The following TFPI variants were observed in gnomAD, a reference collection of about 807,000 sequenced individuals.
TFPI encodes the protein tissue factor pathway inhibitor.
TFPI carries 15 observed loss-of-function variants against 34.6 expected under a neutral mutation model. That is an observed-to-expected ratio of 0.43 (90% confidence interval 0.29 to 0.67). TFPI has a LOEUF of 0.67. Ranked by LOEUF, TFPI falls within the 30% of genes least tolerant of loss-of-function variation. TFPI has a pLI of 0.15. For missense variants in TFPI, 301 were observed against 364.0 expected (o/e 0.83, Z 1.41); for synonymous variants, 105 against 120.1 (o/e 0.87, Z 0.82).
At chr2:187,476,155 A>T (rs1415131891) in intron 6 of TFPI, among the ~76,000 whole-genome samples, 1 of 152,154 alleles carries the variant, frequency 6.6e-6, no homozygotes, top group Non-Finnish European at 1.5e-5. Flanking sequence ...CCAGTCTTGC[A>T]TCCATGTGAT....
intron 6 of TFPI, among the ~76,000 whole-genome samples, chr2:187,477,310 T>A (rs1307829778): frequency 1.3e-5 from 2 of 152,190 alleles, no homozygotes; most frequent in Non-Finnish European, 2.9e-5. Context: ...AGCCAACTTG[T>A]CAGAAAATCA....
intron 1 of TFPI, among the ~76,000 whole-genome samples, chr2:187,544,812 G>A (rs1395677055): frequency 6.6e-6 from 1 of 152,122 alleles, no homozygotes; most frequent in East Asian, 1.9e-4. Context: ...TCACTGATAA[G>A]AAAAAATAAT....
intron 1 of TFPI, among the ~76,000 whole-genome samples, chr2:187,548,766 G>A (rs1435455986): frequency 1.3e-5 from 2 of 151,896 alleles, no homozygotes; most frequent in Non-Finnish European, 2.9e-5. Context: ...AAAAAGCCTT[G>A]AAAAGAGTTT....
At chr2:187,478,494 T>A (rs1692546554) in intron 6 of TFPI, 4 of 895,378 alleles carry the variant, frequency 4.5e-6, no homozygotes, top group Non-Finnish European at 6.1e-6. Flanking sequence ...GTCAAAAGAC[T>A]CACAACTAGC....
intron 3 of TFPI, among the ~76,000 whole-genome samples, chr2:187,495,936 TA>T (rs544150327): frequency 5.4e-5 from 8 of 147,014 alleles, no homozygotes; most frequent in South Asian, 4.3e-4. Context: ...AGCCTGACAT[TA>T]AAAAAAAAAC....
intron 1 of TFPI, chr2:187,515,440 A>G (rs1410141537): frequency 6.6e-6 from 1 of 152,222 alleles, no homozygotes; most frequent in Non-Finnish European, 1.5e-5. Flanking sequence ...AGTTTATTCT[A>G]GCAGGCCCAA....
intron 1 of TFPI, among the ~76,000 whole-genome samples, chr2:187,553,848 A>T (rs1250479356): frequency 6.6e-6 from 1 of 152,214 alleles, no homozygotes; most frequent in East Asian, 1.9e-4. Context: ...AGGTAAACCG[A>T]ACTTTCAAGA....
intron 1 of TFPI, chr2:187,547,556 T>C (rs1172291607): frequency 6.6e-6 from 1 of 152,046 alleles, no homozygotes; most frequent in African/African-American, 2.4e-5. Context: ...GACATCGTGA[T>C]CAACTCCTCT....
chr2:187,529,574 A>T (rs1177950930), intron 1 of TFPI: 1 of 152,110 alleles, frequency 6.6e-6, no homozygotes, highest in Non-Finnish European at 1.5e-5. Context: ...TTGAACATTT[A>T]TTATCTCATT....
chr2:187,478,994 A>T (rs561191190), intron 6 of TFPI, among the ~76,000 whole-genome samples: 1 of 151,712 alleles, frequency 6.6e-6, no homozygotes, highest in East Asian at 1.9e-4. Context: ...TGAAGGAATC[A>T]TAGTAAGAAG....
chr2:187,518,657 C>T (rs1687168062), intron 1 of TFPI: 1 of 152,160 alleles, frequency 6.6e-6, no homozygotes, highest in Admixed American at 6.5e-5. Context: ...GTGGTGTTCT[C>T]TGTATTTCCT....
In TFPI at chr2:187,464,927, C is replaced by T. The variant is rs1189547340; in HGVS notation, c.*2009G>A. 2.0e-5 allele frequency: 3 copies of T among 152,018 alleles called. No individual in the cohort carries two copies. Among genetic ancestry groups the T allele is most frequent in the Non-Finnish European group, 4.4e-5 (3 of 68,024 alleles). 9.4% of individuals were successfully genotyped at this position (152,018 alleles called of 1,614,324 possible). ...ATTCTGTAGCTGGCATCAGCTGTAC[C>T]CTGACTTCACATGAATGGCCTGGAG... On this transcript the variant is annotated 3_prime_UTR_variant, in exon 8 of 8. Transcript: ENST00000233156.
At chr2:187,468,197 AAACT>A (rs1315730496) in intron 6 of TFPI, among the ~76,000 whole-genome samples, 1 of 152,058 alleles carries the variant, frequency 6.6e-6, no homozygotes, top group Non-Finnish European at 1.5e-5. Flanking sequence ...TTATATGAAC[AAACT>A]ATTTGTACAT....
chr2:187,501,944 A>G (rs1010244564), intron 2 of TFPI, among the ~76,000 whole-genome samples: 3 of 152,170 alleles, frequency 2.0e-5, no homozygotes, highest in Non-Finnish European at 2.9e-5. Flanking sequence ...GTATTTTTCT[A>G]TTAATAAGAG....
chr2:187,526,902 ATCTT>A (rs990076040), intron 1 of TFPI: 1 of 152,132 alleles, frequency 6.6e-6, no homozygotes, highest in African/African-American at 2.4e-5. Context: ...AAATTGAAGA[ATCTT>A]TCTAATTTTC....
intron 6 of TFPI, among the ~76,000 whole-genome samples, chr2:187,468,849 G>C (rs1032556599): frequency 5.9e-5 from 9 of 152,006 alleles, no homozygotes; most frequent in Admixed American, 1.3e-4. Flanking sequence ...AAGTTGTATG[G>C]CAAGGAATCA....
At chr2:187,473,896 A>G (rs929364335) in intron 6 of TFPI, among the ~76,000 whole-genome samples, 7 of 152,060 alleles carry the variant, frequency 4.6e-5, no homozygotes, top group African/African-American at 1.2e-4. Context: ...TTGAAAGGTC[A>G]TAAAGAATAG....
At chr2:187,482,669 C>A (rs1382104960) in intron 6 of TFPI, among the ~76,000 whole-genome samples, 1 of 151,824 alleles carries the variant, frequency 6.6e-6, no homozygotes, top group African/African-American at 2.4e-5. Context: ...TTATTAATAC[C>A]TGAGACAGCC....
At chr2:187,503,585 T>C (rs1685997224) in intron 2 of TFPI, 63 bp downstream of exon 2, 4 of 1,562,718 alleles carry the variant, frequency 2.6e-6, no homozygotes, top group Non-Finnish European at 2.6e-6. Context: ...CTATGGTAGA[T>C]TTTTTAGATT....
Sources: gnomAD v4.1 joint callset for allele counts (sites outside exome capture counted in the v4.1 genomes callset) on GRCh38, gnomAD v4.1.1 for gene constraint, MANE v1.5 for transcripts, NCBI Gene and HGNC (gene_info 2026-07-23, HGNC 2026-07-21) for gene names.